Variants in PTPRK observed in about 807,000 individuals in gnomAD.
PTPRK encodes the protein receptor-type tyrosine-protein phosphatase kappa.
PTPRK carries 75 observed loss-of-function variants against 178.0 expected under a neutral mutation model. The observed-to-expected ratio is 0.42, with a 90% CI of 0.35 to 0.51. The LOEUF is 0.51. Among genes scored for constraint, PTPRK ranks in the 20% least tolerant of loss-of-function variants. The probability of loss-of-function intolerance (pLI) is 0.02; values close to 1 mark genes in which losing one functional copy is unlikely to be tolerated. For missense variants in PTPRK, 1,441 were observed against 1,797.8 expected, an observed-to-expected ratio of 0.80 and a Z score of 3.59; for synonymous variants, 637 against 620.6, an observed-to-expected ratio of 1.03 and a Z score of -0.39.
rs767894586 is a variant in PTPRK at position 128,031,792 on chromosome 6, C to T, written c.2195-22524G>A. ...CTAATTTAGAACAGTTTAAAGAACA[C>T]CAAAAGTTAAGTGACAAAGACAAAG... is the stretch of plus-strand genomic sequence containing the variant. On this transcript the variant is annotated intron_variant, in intron 13 of 29. Coordinates refer to ENST00000368226, the MANE Select transcript of PTPRK (RefSeq NM_002844.4). Among the ~76,000 whole-genome samples, 76 of 151,946 alleles carry T rather than the reference C, an allele frequency of 5.0e-4. 2 individuals carry two copies. Among genetic ancestry groups the T allele is most frequent in the Non-Finnish European group, 1.6e-4 (11 of 67,918 alleles).
intron 2 of PTPRK, among the ~76,000 whole-genome samples, chr6:128,369,787 T>C (rs1424936222): frequency 6.6e-6 from 1 of 152,118 alleles, no homozygotes; most frequent in African/African-American, 2.4e-5. Flanking sequence ...TTCTGAAGAA[T>C]ATTTTATAGC....
At chr6:128,374,733 C>A (rs943660060) in intron 2 of PTPRK, among the ~76,000 whole-genome samples, 1 of 152,176 alleles carries the variant, frequency 6.6e-6, no homozygotes, top group Non-Finnish European at 1.5e-5. Context: ...CCAATGTCTA[C>A]TCTCCACATC....
chr6:128,239,447 A>C (rs1562850340), intron 5 of PTPRK, among the ~76,000 whole-genome samples: 1 of 152,120 alleles, frequency 6.6e-6, no homozygotes, highest in Non-Finnish European at 1.5e-5. Context: ...GATTCTTTTA[A>C]ATCTGTTTAT....
intron 24 of PTPRK, 107 bp downstream of exon 24, chr6:127,982,724 G>C: frequency 1.0e-6 from 1 of 952,880 alleles, no homozygotes; most frequent in Non-Finnish European, 1.6e-6. Context: ...ATTTAAAACA[G>C]GATCAAAGGT....
intron 1 of PTPRK, among the ~76,000 whole-genome samples, chr6:128,412,696 G>C (rs1034623598): frequency 6.6e-6 from 1 of 152,204 alleles, no homozygotes; most frequent in African/African-American, 2.4e-5. Flanking sequence ...TATGGCCAAT[G>C]ATAAGAGTTC....
intron 3 of PTPRK, among the ~76,000 whole-genome samples, chr6:128,304,837 GAGA>G (rs1483037774): frequency 2.6e-5 from 4 of 152,148 alleles, no homozygotes; most frequent in Non-Finnish European, 5.9e-5. Flanking sequence ...ACCTAGAAGA[GAGA>G]AGAAGACAAG....
At chr6:128,209,769 T>C (rs1807739673) in intron 6 of PTPRK, among the ~76,000 whole-genome samples, 1 of 151,964 alleles carries the variant, frequency 6.6e-6, no homozygotes, top group Non-Finnish European at 1.5e-5. Flanking sequence ...GCAGGGTGAT[T>C]AGAAAAAGCC....
rs375376751 is a variant in PTPRK, at chr6:128,457,781, G to A, written c.101-60093C>T. Among the ~76,000 whole-genome samples the A allele has an allele frequency of 1.5e-4, 23 of 152,250 alleles. 4 individuals carry two copies. The highest frequency in any genetic ancestry group is 5.5e-4 in the African/African-American group (23 of 41,566). On this transcript the variant is annotated intron_variant, in intron 1 of 29. Coordinates refer to ENST00000368226, the MANE Select transcript of PTPRK (RefSeq NM_002844.4). ...ATAGGTCTAGAGATTATATATAGGT[G>A]CACATATGCACAGATATGTGCCTAA...
intron 1 of PTPRK, among the ~76,000 whole-genome samples, chr6:128,479,297 T>C (rs1174482129): frequency 1.3e-5 from 2 of 152,096 alleles, no homozygotes; most frequent in Non-Finnish European, 2.9e-5. Flanking sequence ...ATTTCTGAAA[T>C]GATTATGACA....
rs144494961 is a variant in PTPRK at position 128,253,176 on chromosome 6, T to C, written c.496-10574A>G. On this transcript the variant is annotated intron_variant, in intron 3 of 29. Coordinates refer to ENST00000368226, the MANE Select transcript of PTPRK (RefSeq NM_002844.4). ...AAATTGAAATAGGACCCACTATTCATGGCTCAGTCTAATTTATGTGAGAAT... is the reference window on the plus strand; with the variant it reads ...AAATTGAAATAGGACCCACTATTCACGGCTCAGTCTAATTTATGTGAGAAT... Among the ~76,000 whole-genome samples, 36 of 152,292 alleles carry C rather than the reference T, an allele frequency of 2.4e-4. No homozygotes were observed. In the East Asian group the frequency reaches 6.6e-3, roughly 28 times the overall value.
At chr6:128,035,015 T>A (rs975861721) in intron 13 of PTPRK, among the ~76,000 whole-genome samples, 1 of 152,210 alleles carries the variant, frequency 6.6e-6, no homozygotes, top group African/African-American at 2.4e-5. Context: ...AAAGAAAATT[T>A]AGACAGTGGT....
chr6:128,105,128 T>A (rs1789470512), intron 7 of PTPRK, among the ~76,000 whole-genome samples: 2 of 151,712 alleles, frequency 1.3e-5, no homozygotes, highest in South Asian at 4.1e-4. Context: ...CCTCACTTAT[T>A]TCTTTTTTTT....
At chr6:128,289,227 C>T (rs1822991154) in intron 3 of PTPRK, among the ~76,000 whole-genome samples, 1 of 152,094 alleles carries the variant, frequency 6.6e-6, no homozygotes, top group Admixed American at 6.6e-5. Context: ...TTATAAACCA[C>T]TAGAATGGAC....
At chr6:128,216,848 C>A (rs1277396151) in intron 6 of PTPRK, among the ~76,000 whole-genome samples, 1 of 152,066 alleles carries the variant, frequency 6.6e-6, no homozygotes, top group African/African-American at 2.4e-5. Context: ...ATAAACAGGT[C>A]TTCTACAATC....
intron 7 of PTPRK, among the ~76,000 whole-genome samples, chr6:128,140,359 G>A (rs545105303): frequency 6.6e-6 from 1 of 152,012 alleles, no homozygotes; most frequent in East Asian, 1.9e-4. Flanking sequence ...CCTTTAATCT[G>A]AAGCATTACC....
intron 6 of PTPRK, among the ~76,000 whole-genome samples, chr6:128,189,801 C>T (rs767054164): frequency 6.6e-5 from 10 of 152,066 alleles, no homozygotes; most frequent in Non-Finnish European, 1.2e-4. Context: ...CACAGTGTTT[C>T]TCATTGTTTA....
In PTPRK at chr6:128,145,009, T is replaced by G. The variant is rs149918374; in HGVS notation, c.1162+39423A>C. On this transcript the variant is annotated intron_variant, in intron 7 of 29. Coordinates refer to ENST00000368226, the MANE Select transcript of PTPRK (RefSeq NM_002844.4). ...CTGTGGTGACAGTAAATTTTAACTGTCAGATGTGGTGTTTAAAACAAAGTT... is the reference window on the plus strand; with the variant it reads ...CTGTGGTGACAGTAAATTTTAACTGGCAGATGTGGTGTTTAAAACAAAGTT... 6.2e-3 allele frequency among the ~76,000 whole-genome samples: 947 copies of G among 152,206 alleles called. 18 individuals carry two copies. Among genetic ancestry groups the G allele is most frequent in the African/African-American group, 0.022 (896 of 41,518 alleles).
intron 13 of PTPRK, chr6:128,062,132 T>C (rs969689635): frequency 1.3e-5 from 2 of 153,218 alleles, no homozygotes; most frequent in African/African-American, 4.8e-5. Flanking sequence ...TACTTGCATG[T>C]TAGTTTAAAA....
At chr6:128,462,528 G>C (rs939366816) in intron 1 of PTPRK, among the ~76,000 whole-genome samples, 6 of 152,008 alleles carry the variant, frequency 3.9e-5, no homozygotes, top group African/African-American at 1.4e-4. Flanking sequence ...AGAGTGGAGG[G>C]ACATCAGAGA....
Sources: gnomAD v4.1 joint callset for allele counts (sites outside exome capture counted in the v4.1 genomes callset) on GRCh38, gnomAD v4.1.1 for gene constraint, MANE v1.5 for transcripts, NCBI Gene and HGNC (gene_info 2026-07-23, HGNC 2026-07-21) for gene names.